Variants in FHIP1A observed in about 807,000 individuals in gnomAD.
FHIP1A encodes the protein FHF complex subunit HOOK interacting protein 1A.
Under a neutral mutation model 88.6 loss-of-function variants are expected in FHIP1A, and 61 were observed. That is an observed-to-expected ratio of 0.69 (90% CI 0.56 to 0.85). FHIP1A has a LOEUF of 0.85. Among genes scored for constraint, FHIP1A ranks in the 40% least tolerant of loss-of-function variants. The probability of loss-of-function intolerance (pLI) is 0.00; values close to 1 mark genes in which losing one functional copy is unlikely to be tolerated. For synonymous variants in FHIP1A, 478 were observed against 496.0 expected (o/e 0.96, Z 0.48); for missense variants, 1,154 against 1,273.5 (o/e 0.91, Z 1.43).
chr4:151,476,146 C>T (rs986788371), intron 2 of FHIP1A, among the ~76,000 whole-genome samples: 12 of 149,616 alleles, frequency 8.0e-5, no homozygotes, highest in Middle Eastern at 3.3e-3. Context: ...AGGCATGAGA[C>T]ACTGTGCTCG....
chr4:151,626,113 A>T (rs1393097475), intron 7 of FHIP1A, among the ~76,000 whole-genome samples: 1 of 152,250 alleles, frequency 6.6e-6, no homozygotes, highest in East Asian at 1.9e-4. Flanking sequence ...AATGTATCAC[A>T]TTATGTATAT....
intron 2 of FHIP1A, among the ~76,000 whole-genome samples, chr4:151,459,243 G>GA (rs58527852): frequency 5.9e-5 from 9 of 151,782 alleles, no homozygotes; most frequent in Non-Finnish European, 1.2e-4. Flanking sequence ...TTTTGTTCCT[G>GA]AAAAAAAGTG....
In FHIP1A at chr4:151,594,774, C is replaced by T. The variant is rs370643095; in HGVS notation, c.978+5848C>T. Reference sequence around the variant, plus strand: ...ATTTTTAGTAGAGACAGGGTTTCACCGTGTTAGCCAGTGTGGTCTCGATCT... The same window carrying T: ...ATTTTTAGTAGAGACAGGGTTTCACTGTGTTAGCCAGTGTGGTCTCGATCT... On this transcript the variant is annotated intron_variant, in intron 7 of 13. Transcript: ENST00000435205. Among the ~76,000 whole-genome samples the T allele has an allele frequency of 2.2e-3, 340 of 152,148 alleles. 8 individuals carry two copies. In the South Asian group the frequency reaches 0.062, roughly 28 times the overall value.
intron 3 of FHIP1A, among the ~76,000 whole-genome samples, chr4:151,542,365 C>CT (rs1367481934): frequency 1.3e-5 from 2 of 152,006 alleles, no homozygotes; most frequent in East Asian, 1.9e-4. Context: ...ACATCCCCTG[C>CT]TTTTTTTTAT....
intron 3 of FHIP1A, among the ~76,000 whole-genome samples, chr4:151,526,907 C>T (rs567969629): frequency 3.3e-5 from 5 of 149,790 alleles, no homozygotes; most frequent in African/African-American, 1.2e-4. Flanking sequence ...CAGAGGCGCT[C>T]CCCACATCTC....
chr4:151,421,862 G>A (rs966347585), intron 1 of FHIP1A, among the ~76,000 whole-genome samples: 1 of 151,988 alleles, frequency 6.6e-6, no homozygotes, highest in Admixed American at 6.6e-5. Context: ...GGCAGTTCAT[G>A]GTTTGCAAAG....
intron 3 of FHIP1A, among the ~76,000 whole-genome samples, chr4:151,497,512 C>T (rs1278218937): frequency 6.6e-6 from 1 of 152,148 alleles, no homozygotes; most frequent in African/African-American, 2.4e-5. Flanking sequence ...ACTCTCTGGC[C>T]TCTTATAGGA....
At chr4:151,463,619 GT>G (rs953789969) in intron 2 of FHIP1A, among the ~76,000 whole-genome samples, 2 of 152,210 alleles carry the variant, frequency 1.3e-5, no homozygotes, top group Non-Finnish European at 2.9e-5. Context: ...ATGTGGTCCA[GT>G]TGTGCTCTAC....
intron 3 of FHIP1A, among the ~76,000 whole-genome samples, chr4:151,559,507 A>C (rs529748357): frequency 2.8e-4 from 43 of 152,312 alleles, no homozygotes; most frequent in African/African-American, 9.9e-4. Flanking sequence ...CATATGGGCT[A>C]ATACATTGCT....
intron 2 of FHIP1A, among the ~76,000 whole-genome samples, chr4:151,460,216 G>C (rs1056198706): frequency 6.6e-6 from 1 of 152,132 alleles, no homozygotes; most frequent in South Asian, 2.1e-4. Flanking sequence ...TAGAGGCCCT[G>C]CGTTAAAGGT....
chr4:151,538,570 T>C (rs1223984097), intron 3 of FHIP1A, among the ~76,000 whole-genome samples: 1 of 152,216 alleles, frequency 6.6e-6, no homozygotes, highest in Non-Finnish European at 1.5e-5. Flanking sequence ...CTTGAGCCAT[T>C]ACTATTTCTC....
chr4:151,486,764 C>T (rs1001184599), intron 3 of FHIP1A, among the ~76,000 whole-genome samples: 38 of 151,828 alleles, frequency 2.5e-4, no homozygotes, highest in African/African-American at 8.9e-4. Flanking sequence ...GTCGGGAGTT[C>T]GAGACCAGCC....
intron 4 of FHIP1A, among the ~76,000 whole-genome samples, chr4:151,572,742 G>A (rs1256309706): frequency 6.6e-6 from 1 of 152,142 alleles, no homozygotes; most frequent in Non-Finnish European, 1.5e-5. Flanking sequence ...TTACACATAT[G>A]ACTTTCTTAA....
chr4:151,649,838 T>C lies in FHIP1A; in HGVS notation c.1797T>C (p.Tyr599=). ...CTGACGTGGGCTCCCCAGGGCCTTATGATGATCTGGAGGTTTCAGGCCCCC... is the reference window on the plus strand; with the variant it reads ...CTGACGTGGGCTCCCCAGGGCCTTACGATGATCTGGAGGTTTCAGGCCCCC... ...SGADVGSPGP[Y]DDLEVSGPPA... is the part of the protein sequence containing the mutation. The change falls in exon 11 of 14, where the codon TAT becomes TAC. Residue 599 remains tyrosine, a synonymous_variant. Transcript: ENST00000435205. The C allele has an allele frequency of 1.9e-6, 3 of 1,551,668 alleles. No homozygotes were observed. Among genetic ancestry groups the C allele is most frequent in the Non-Finnish European group, 2.6e-6 (3 of 1,146,988 alleles).
At chr4:151,501,825 T>TTTA (rs1730658986) in intron 3 of FHIP1A, among the ~76,000 whole-genome samples, 1 of 151,068 alleles carries the variant, frequency 6.6e-6, no homozygotes, top group East Asian at 1.9e-4. Context: ...TTAAATATAT[T>TTTA]CTGGATACTA....
At chr4:151,507,470 AT>A (rs1401572626) in intron 3 of FHIP1A, among the ~76,000 whole-genome samples, 1 of 152,178 alleles carries the variant, frequency 6.6e-6, no homozygotes, top group Non-Finnish European at 1.5e-5. Context: ...GTTATCTATT[AT>A]TTTTAACCTA....
At chr4:151,479,565 C>G (rs1322428961) in intron 2 of FHIP1A, among the ~76,000 whole-genome samples, 1 of 152,014 alleles carries the variant, frequency 6.6e-6, no homozygotes, top group Admixed American at 6.6e-5. Flanking sequence ...TTGTTTGAAA[C>G]TTCTCTCTTC....
At chr4:151,415,663 T>C (rs1317103189) in intron 1 of FHIP1A, among the ~76,000 whole-genome samples, 1 of 152,248 alleles carries the variant, frequency 6.6e-6, no homozygotes, top group African/African-American at 2.4e-5. Flanking sequence ...TTACATTTCC[T>C]CTAGTAGTGT....
intron 3 of FHIP1A, among the ~76,000 whole-genome samples, chr4:151,510,117 T>C (rs943817579): frequency 1.3e-5 from 2 of 151,982 alleles, no homozygotes; most frequent in African/African-American, 2.4e-5. Context: ...TTTTTTTTTC[T>C]TTTTTTGGAG....
Sources: gnomAD v4.1 joint callset for allele counts (sites outside exome capture counted in the v4.1 genomes callset) on GRCh38, gnomAD v4.1.1 for gene constraint, MANE v1.5 for transcripts, NCBI Gene and HGNC (gene_info 2026-07-23, HGNC 2026-07-21) for gene names.